Variants in ANKRD26 observed in about 807,000 individuals in gnomAD.
The protein encoded by ANKRD26 is ankyrin repeat domain-containing protein 26.
In ANKRD26, 141 loss-of-function variants were observed where a neutral mutation model predicts 208.7. The observed-to-expected ratio is 0.68, with a 90% CI of 0.59 to 0.78. The LOEUF (loss-of-function observed/expected upper bound fraction) is 0.78, where lower values mean the gene tolerates loss of function less well. ANKRD26 is among the 30% of genes least tolerant of loss of function. ANKRD26 has a pLI of 0.00. For synonymous variants in ANKRD26, 636 were observed against 660.4 expected (o/e 0.96, Z 0.57); for missense variants, 1,889 against 1,938.7 (o/e 0.97, Z 0.48).
chr10:27,036,329 G>A (rs1455222386), intron 23 of ANKRD26, among the ~76,000 whole-genome samples: 2 of 151,230 alleles, frequency 1.3e-5, no homozygotes, highest in African/African-American at 4.9e-5. Flanking sequence ...TAGTATCACA[G>A]TTTTGAAAAG....
At chr10:27,072,714 G>A (rs945846637) in intron 9 of ANKRD26, among the ~76,000 whole-genome samples, 1 of 149,418 alleles carries the variant, frequency 6.7e-6, no homozygotes, top group Non-Finnish European at 1.5e-5. Flanking sequence ...CAGCACCAAG[G>A]AAGTAGGAAA....
chr10:27,074,233 C>T lies in ANKRD26; in HGVS notation c.1077+3105G>A, dbSNP rs530557075. ...ATTCAAAAGGTTGATTATTAAGTTA[C>T]TCAAGAATATACAAGGGCAAGGTAA... is the stretch of plus-strand genomic sequence containing the variant. On this transcript the variant is annotated intron_variant, in intron 9 of 33. Transcript: ENST00000376087. 1.1e-4 allele frequency among the ~76,000 whole-genome samples: 16 copies of T among 152,168 alleles called. 1 individual carries two copies. In the South Asian group the frequency reaches 3.1e-3, roughly 30 times the overall value.
chr10:27,012,748 G>A (rs980940005), intron 32 of ANKRD26, 134 bp downstream of exon 32: 5 of 771,354 alleles, frequency 6.5e-6, no homozygotes, highest in Non-Finnish European at 8.6e-6. Flanking sequence ...AGACATAGAG[G>A]TTGCAGTGAG....
At position 27,061,889 on chromosome 10, in the gene ANKRD26, A is replaced by G. The variant is rs2055070612; in HGVS notation, c.1364-647T>C. 14 of 946,194 alleles carry G rather than the reference A, an allele frequency of 1.5e-5. No individual in the cohort carries two copies. The South Asian group carries it at 2.4e-4, about 17-fold the overall frequency. 58.6% of individuals were successfully genotyped at this position (946,194 alleles called of 1,614,324 possible). A position where few individuals can be genotyped will look rare whatever the true frequency, so the allele number is the denominator to read the frequency against. ...AAGCAACATATATCTTTGATGTCTG[A>G]TAGTTATAGAAAGGAGATATGAATC... On this transcript the variant is annotated intron_variant, in intron 12 of 33. Transcript: ENST00000376087.
intron 30 of ANKRD26, among the ~76,000 whole-genome samples, chr10:27,015,633 C>G (rs2053263927): frequency 6.6e-6 from 1 of 152,208 alleles, no homozygotes; most frequent in African/African-American, 2.4e-5. Flanking sequence ...TGTTCCAAGA[C>G]TCCTATCTCT....
chr10:27,058,913 TG>T (rs1402602575), intron 15 of ANKRD26, among the ~76,000 whole-genome samples: 2 of 93,680 alleles, frequency 2.1e-5, no homozygotes, highest in African/African-American at 5.9e-5. Flanking sequence ...GTTTGTTTTT[TG>T]TTTTTTTGTT....
intron 25 of ANKRD26, among the ~76,000 whole-genome samples, chr10:27,029,986 A>C (rs953248574): frequency 7.2e-5 from 11 of 152,226 alleles, no homozygotes; most frequent in Admixed American, 4.6e-4. Flanking sequence ...AGAGACAGTA[A>C]TACTATTACT....
chr10:27,046,566 G>GA, intron 17 of ANKRD26, 43 bp from the exon 18 acceptor site: 2 of 1,569,124 alleles, frequency 1.3e-6, no homozygotes, highest in Non-Finnish European at 1.7e-6. Flanking sequence ...TAAGAAAAAA[G>GA]AAAAAAAGAA....
intron 9 of ANKRD26, among the ~76,000 whole-genome samples, chr10:27,071,599 T>C (rs1023225724): frequency 1.3e-5 from 2 of 151,940 alleles, no homozygotes; most frequent in African/African-American, 4.9e-5. Flanking sequence ...AAATAGTGTG[T>C]AGGGATTTGC....
At chr10:27,027,998 C>T (rs2053723316) in intron 27 of ANKRD26, among the ~76,000 whole-genome samples, 1 of 152,014 alleles carries the variant, frequency 6.6e-6, no homozygotes, top group Admixed American at 6.6e-5. Flanking sequence ...TGATTTTGTC[C>T]AACTGTAGGC....
At chr10:27,014,473 T>C in intron 31 of ANKRD26, 21 bp downstream of exon 31, 1 of 1,494,444 alleles carries the variant, frequency 6.7e-7, no homozygotes, top group Non-Finnish European at 9.3e-7. Flanking sequence ...TTATTTCCTA[T>C]GATTCTATAT....
intron 5 of ANKRD26, among the ~76,000 whole-genome samples, chr10:26,993,285 G>A (rs1215079428): frequency 6.6e-6 from 1 of 152,172 alleles, no homozygotes; most frequent in Non-Finnish European, 1.5e-5. Context: ...TAGCCAATAT[G>A]TCCCATTTAC....
the ANKRD26 span, among the ~76,000 whole-genome samples, chr10:26,954,772 C>A: frequency 6.6e-6 from 1 of 152,000 alleles, no homozygotes; most frequent in South Asian, 2.1e-4. Context: ...TAGATATGTT[C>A]TGAGAATCTA....
chr10:26,949,618 C>T, the ANKRD26 span, among the ~76,000 whole-genome samples: 2 of 152,286 alleles, frequency 1.3e-5, no homozygotes, highest in East Asian at 3.9e-4. Context: ...CAATTCTCTG[C>T]CTCAGCCTCC....
rs930166867 is a variant in ANKRD26, at chr10:27,017,779, G to A, written c.4229C>T (p.Thr1410Ile). Residue 1410 changes from threonine to isoleucine, a missense_variant, in exon 30 of 34, where the codon ACA becomes ATA. Thr to Ile is a moderately conservative substitution (Grantham distance 89). Coordinates refer to ENST00000376087, the MANE Select transcript of ANKRD26 (RefSeq NM_014915.3). ...NKLKHKIDDL[T>I]AELETAGSKC... ...TGAACCTGCAGTCTCCAGTTCTGCT[G>A]TAAGATCATCAATCTGAATGAAGAC... 1.2e-6 allele frequency: 2 copies of A among 1,612,474 alleles called. No homozygotes were observed. The highest frequency in any genetic ancestry group is 2.2e-5 in the South Asian group (2 of 90,958).
At chr10:27,037,344 A>C in intron 22 of ANKRD26, 21 bp from the exon 23 acceptor site, 1 of 1,613,460 alleles carries the variant, frequency 6.2e-7, no homozygotes, top group Non-Finnish European at 8.5e-7. Flanking sequence ...ATTAAGTTTT[A>C]GGTCTATTAG....
At chr10:26,990,194 T>G (rs972994225), downstream of ANKRD26, among the ~76,000 whole-genome samples, 1 of 152,184 alleles carries the variant, frequency 6.6e-6, no homozygotes. Context: ...CTGCTTTGGT[T>G]ATAGTTGTCC....
At chr10:26,972,322 A>C (rs2052162538), downstream of ANKRD26, among the ~76,000 whole-genome samples, 1 of 151,982 alleles carries the variant, frequency 6.6e-6, no homozygotes, top group Non-Finnish European at 1.5e-5. Context: ...ACTTTTCCTA[A>C]TTACTGTCGG....
At chr10:27,085,084 A>G (rs2056065970) in intron 5 of ANKRD26, among the ~76,000 whole-genome samples, 1 of 151,816 alleles carries the variant, frequency 6.6e-6, no homozygotes, top group African/African-American at 2.4e-5. Flanking sequence ...AGCAGACAGA[A>G]GAACACACTT....
Sources: gnomAD v4.1 joint callset for allele counts (sites outside exome capture counted in the v4.1 genomes callset) on GRCh38, gnomAD v4.1.1 for gene constraint, MANE v1.5 for transcripts, NCBI Gene and HGNC (gene_info 2026-07-23, HGNC 2026-07-21) for gene names.